MSRB3: variants seen among roughly 807,000 people sequenced by gnomAD.
The protein encoded by MSRB3 is methionine-R-sulfoxide reductase B3.
A neutral mutation model predicts 21.0 loss-of-function variants in MSRB3; 13 were observed. That is an observed-to-expected ratio of 0.62 (90% CI 0.40 to 0.98). MSRB3 has a LOEUF of 0.98. Among genes scored for constraint, MSRB3 ranks in the 50% least tolerant of loss-of-function variants. MSRB3 has a pLI of 0.00. For missense variants in MSRB3, 199 were observed against 230.3 expected (o/e 0.86, Z 0.88); for synonymous variants, 87 against 88.6 (o/e 0.98, Z 0.10).
chr12:65,296,636 A>G (rs1373221925), intron 1 of MSRB3, among the ~76,000 whole-genome samples: 1 of 152,226 alleles, frequency 6.6e-6, no homozygotes, highest in Non-Finnish European at 1.5e-5. Flanking sequence ...CCTAGACAGC[A>G]ATACAGGATA....
chr12:65,458,362 G>A (rs966099735), intron 6 of MSRB3, among the ~76,000 whole-genome samples: 23 of 152,130 alleles, frequency 1.5e-4, no homozygotes, highest in African/African-American at 5.3e-4. Flanking sequence ...GCCTACCACC[G>A]CTTTACAGTA....
intron 5 of MSRB3, among the ~76,000 whole-genome samples, chr12:65,405,638 GT>G (rs1880372895): frequency 6.6e-6 from 1 of 152,022 alleles, no homozygotes; most frequent in Non-Finnish European, 1.5e-5. Context: ...TATGGTAGTT[GT>G]TTTTTATTTT....
chr12:65,408,188 C>T (rs770098745), intron 5 of MSRB3, among the ~76,000 whole-genome samples: 3 of 151,906 alleles, frequency 2.0e-5, no homozygotes, highest in East Asian at 1.9e-4. Flanking sequence ...TCCACCTCCC[C>T]GGTTGAAGCA....
At chr12:65,423,515 C>A (rs939054354) in intron 5 of MSRB3, among the ~76,000 whole-genome samples, 6 of 152,084 alleles carry the variant, frequency 3.9e-5, no homozygotes, top group Non-Finnish European at 8.8e-5. Flanking sequence ...GAGGCACATT[C>A]CTACTATACC....
At chr12:65,371,333 A>G (rs1480240042) in intron 5 of MSRB3, among the ~76,000 whole-genome samples, 1 of 151,012 alleles carries the variant, frequency 6.6e-6, no homozygotes, top group Non-Finnish European at 1.5e-5. Flanking sequence ...CATCTCAAAA[A>G]AAAAAAAAAA....
intron 2 of MSRB3, among the ~76,000 whole-genome samples, chr12:65,320,695 A>G (rs1171285361): frequency 6.6e-6 from 1 of 152,210 alleles, no homozygotes; most frequent in Non-Finnish European, 1.5e-5. Flanking sequence ...TCCGAGAGCT[A>G]TTTTGAGGGT....
chr12:65,367,342 G>T (rs1164897079), intron 4 of MSRB3, among the ~76,000 whole-genome samples: 1 of 152,168 alleles, frequency 6.6e-6, no homozygotes, highest in African/African-American at 2.4e-5. Context: ...TGAATATATG[G>T]CAGAGAAAAG....
chr12:65,288,234 C>T (rs374438502), intron 1 of MSRB3, among the ~76,000 whole-genome samples: 11 of 148,876 alleles, frequency 7.4e-5, no homozygotes, highest in African/African-American at 2.0e-4. Context: ...ACCCGGGAGG[C>T]GGAGGTTCCA....
chr12:65,378,638 C>T (rs149170501), intron 5 of MSRB3, among the ~76,000 whole-genome samples: 245 of 152,258 alleles, frequency 1.6e-3, no homozygotes, highest in African/African-American at 5.2e-3. Flanking sequence ...CAAAAAGTAG[C>T]GTTAATGGCC....
At chr12:65,371,060 G>T (rs1878289352) in intron 5 of MSRB3, among the ~76,000 whole-genome samples, 1 of 152,140 alleles carries the variant, frequency 6.6e-6, no homozygotes, top group Non-Finnish European at 1.5e-5. Flanking sequence ...GGGCACAGTG[G>T]CCCATGCCTG....
At chr12:65,393,630 CAAAAAAA>C (rs59417371) in intron 5 of MSRB3, among the ~76,000 whole-genome samples, 5 of 90,658 alleles carry the variant, frequency 5.5e-5, no homozygotes, top group African/African-American at 4.4e-5. Context: ...GACTCCGTCG[CAAAAAAA>C]AAAAAAAAAA....
intron 1 of MSRB3, among the ~76,000 whole-genome samples, chr12:65,299,431 G>T (rs1431881025): frequency 3.9e-5 from 6 of 152,156 alleles, no homozygotes; most frequent in African/African-American, 1.2e-4. Context: ...ACTTCTCAGG[G>T]TTCAAGTGTG....
At chr12:65,462,041 G>C (rs1401230401) in intron 6 of MSRB3, among the ~76,000 whole-genome samples, 1 of 152,150 alleles carries the variant, frequency 6.6e-6, no homozygotes, top group African/African-American at 2.4e-5. Context: ...TAGAATGTAA[G>C]CTCTATGAGG....
At chr12:65,280,588 C>G (rs1371542445) in intron 1 of MSRB3, among the ~76,000 whole-genome samples, 1 of 152,062 alleles carries the variant, frequency 6.6e-6, no homozygotes, top group Non-Finnish European at 1.5e-5. Context: ...AATTCCGGTC[C>G]CAGCTGATAT....
intron 4 of MSRB3, among the ~76,000 whole-genome samples, chr12:65,355,222 G>T (rs187542293): frequency 1.3e-5 from 2 of 151,678 alleles, no homozygotes; most frequent in Non-Finnish European, 2.9e-5. Flanking sequence ...TCAGTATTCC[G>T]TTTTTTGGAT....
At chr12:65,348,229 T>A (rs1592549009) in intron 4 of MSRB3, among the ~76,000 whole-genome samples, 1 of 152,184 alleles carries the variant, frequency 6.6e-6, no homozygotes, top group South Asian at 2.1e-4. Flanking sequence ...CTTTTTTTGG[T>A]TGGTAAGCTA....
At chr12:65,331,650 G>A (rs990333097) in intron 4 of MSRB3, among the ~76,000 whole-genome samples, 17 of 152,214 alleles carry the variant, frequency 1.1e-4, no homozygotes, top group African/African-American at 4.1e-4. Context: ...GCTGCTAGCC[G>A]CTGGGTGCTG....
chr12:65,374,238 A>G (rs938739955), intron 5 of MSRB3, among the ~76,000 whole-genome samples: 6 of 152,214 alleles, frequency 3.9e-5, no homozygotes, highest in African/African-American at 1.2e-4. Flanking sequence ...AAATATTTAT[A>G]TAAGAATATT....
At chr12:65,330,701 A>G (rs1268946853) in intron 4 of MSRB3, among the ~76,000 whole-genome samples, 1 of 152,184 alleles carries the variant, frequency 6.6e-6, no homozygotes, top group Non-Finnish European at 1.5e-5. Context: ...AGGGCATCAA[A>G]CAAAATGACA....
Sources: allele counts gnomAD v4.1 joint callset (sites outside exome capture counted in the v4.1 genomes callset), GRCh38; gene constraint gnomAD v4.1.1; transcripts MANE v1.5; gene names NCBI Gene and HGNC (gene_info 2026-07-23, HGNC 2026-07-21).